SEMA5B: variants seen among roughly 807,000 people sequenced by gnomAD.
The protein encoded by SEMA5B is semaphorin 5B.
In SEMA5B, 66 loss-of-function variants were observed where a neutral mutation model predicts 135.0. That is an observed-to-expected ratio of 0.49 (90% confidence interval 0.40 to 0.60). SEMA5B has a LOEUF of 0.60. Among genes scored for constraint, SEMA5B ranks in the 20% least tolerant of loss-of-function variants. The pLI, the probability that SEMA5B is intolerant of heterozygous loss-of-function variation, is 0.00. For synonymous variants in SEMA5B, 690 were observed against 639.5 expected, an observed-to-expected ratio of 1.08 and a Z score of -1.19; for missense variants, 1,501 against 1,566.3, an observed-to-expected ratio of 0.96 and a Z score of 0.70.
intron 1 of SEMA5B, among the ~76,000 whole-genome samples, chr3:122,967,937 T>G (rs1473075128): frequency 6.6e-6 from 1 of 152,198 alleles, no homozygotes; most frequent in Non-Finnish European, 1.5e-5. Context: ...TCACTCTGCG[T>G]GCACAAGAGA....
At chr3:123,008,285 G>A (rs143172247) in intron 1 of SEMA5B, among the ~76,000 whole-genome samples, 14 of 152,332 alleles carry the variant, frequency 9.2e-5, no homozygotes, top group African/African-American at 2.9e-4. Context: ...AATAAACTGA[G>A]AATCGAACAC....
At chr3:122,975,993 T>C in intron 1 of SEMA5B, 1 of 1,534,996 alleles carries the variant, frequency 6.5e-7, no homozygotes, top group Non-Finnish European at 8.7e-7. Context: ...GTCATGCACT[T>C]GCCCACCTCG....
At position 122,915,997 on chromosome 3, in the gene SEMA5B, T is replaced by C. The variant is rs550144407; in HGVS notation, c.1689-107A>G. ...CTCTGTGCACCACTTTCCATCCATTTGTCCTCCATGATAATAATGAAGTTC... is the reference window on the plus strand; with the variant it reads ...CTCTGTGCACCACTTTCCATCCATTCGTCCTCCATGATAATAATGAAGTTC... On this transcript the variant is annotated intron_variant, in intron 12 of 22. Coordinates refer to ENST00000357599, the MANE Select transcript of SEMA5B (RefSeq NM_001031702.4). The C allele has an allele frequency of 5.1e-6, 4 of 789,264 alleles. No homozygotes were observed. The African/African-American group carries it at 6.8e-5, about 13-fold the overall frequency. 48.9% of individuals were successfully genotyped at this position (789,264 alleles called of 1,614,324 possible).
chr3:122,943,683 G>A (rs1939665207), intron 3 of SEMA5B, 148 bp from the exon 4 acceptor site: 1 of 614,636 alleles, frequency 1.6e-6, no homozygotes, highest in Non-Finnish European at 2.9e-6. Flanking sequence ...CCACCTCTGT[G>A]TGCCCCTAGG....
chr3:123,013,725 C>T (rs991455110), intron 1 of SEMA5B, among the ~76,000 whole-genome samples: 1 of 152,206 alleles, frequency 6.6e-6, no homozygotes, highest in African/African-American at 2.4e-5. Flanking sequence ...TCACGCATTC[C>T]CATCCAGCCT....
intron 1 of SEMA5B, among the ~76,000 whole-genome samples, chr3:123,023,227 T>G (rs1942729407): frequency 6.6e-6 from 1 of 152,144 alleles, no homozygotes; most frequent in African/African-American, 2.4e-5. Flanking sequence ...TAGTTAAGTG[T>G]TGTCATAAAT....
intron 5 of SEMA5B, among the ~76,000 whole-genome samples, chr3:122,933,248 T>A (rs1939075027): frequency 6.6e-6 from 1 of 152,112 alleles, no homozygotes; most frequent in African/African-American, 2.4e-5. Context: ...ACATCTCCAG[T>A]ATCTTCCTAG....
chr3:122,966,009 C>T (rs781681165), intron 1 of SEMA5B, among the ~76,000 whole-genome samples: 21 of 152,138 alleles, frequency 1.4e-4, no homozygotes, highest in Non-Finnish European at 1.8e-4. Context: ...GGTGGCCCAG[C>T]GACAACCAGC....
intron 1 of SEMA5B, among the ~76,000 whole-genome samples, chr3:122,993,959 A>G (rs1392458532): frequency 2.0e-5 from 3 of 151,188 alleles, no homozygotes; most frequent in Non-Finnish European, 4.4e-5. Context: ...CCTCAAGCCC[A>G]CCTGTCCCCA....
At chr3:122,916,711 G>A (rs1430943876) in intron 12 of SEMA5B, among the ~76,000 whole-genome samples, 2 of 152,162 alleles carry the variant, frequency 1.3e-5, no homozygotes, top group Non-Finnish European at 2.9e-5. Flanking sequence ...ACACAGCGCA[G>A]GATCGGCAGA....
rs62261735 is a variant in SEMA5B at position 122,932,959 on chromosome 3, A to T, written c.475-3901T>A. Among the ~76,000 whole-genome samples, 769 of 152,312 alleles carry T rather than the reference A, an allele frequency of 5.0e-3. 6 individuals carry two copies. The highest frequency in any genetic ancestry group is 8.5e-3 in the Non-Finnish European group (578 of 68,016). ...TGTCTTATACTCTTGGTCTCAAGTCATCTGCTCCCCTCGGCCTCCCAAAGT... is the reference window on the plus strand; with the variant it reads ...TGTCTTATACTCTTGGTCTCAAGTCTTCTGCTCCCCTCGGCCTCCCAAAGT... On this transcript the variant is annotated intron_variant, in intron 5 of 22. Transcript: ENST00000357599.
At chr3:123,023,517 C>T (rs976686279) in intron 1 of SEMA5B, among the ~76,000 whole-genome samples, 1 of 152,162 alleles carries the variant, frequency 6.6e-6, no homozygotes, top group Non-Finnish European at 1.5e-5. Flanking sequence ...CCTGGCTTTG[C>T]ATCTATTTAC....
At chr3:122,910,605 C>T (rs982333445) in intron 22 of SEMA5B, among the ~76,000 whole-genome samples, 1 of 151,926 alleles carries the variant, frequency 6.6e-6, no homozygotes, top group African/African-American at 2.4e-5. Flanking sequence ...GTCAGGAGAT[C>T]GAGACCATCC....
rs150888537 is a variant in SEMA5B at position 122,968,070 on chromosome 3, G to A, written c.-38-6769C>T. ...TTCTCTCCAGAAAATGTGCAGATCC[G>A]CTCCAAGGCCCAGCAACACTTTCCC... On this transcript the variant is annotated intron_variant, in intron 1 of 22. Coordinates refer to ENST00000357599, the MANE Select transcript of SEMA5B (RefSeq NM_001031702.4). Among the ~76,000 whole-genome samples, 729 of 152,298 alleles carry A rather than the reference G, an allele frequency of 4.8e-3. 3 individuals are homozygous for A. Among genetic ancestry groups the A allele is most frequent in the African/African-American group, 0.017 (690 of 41,552 alleles).
chr3:122,915,533 C>T lies in SEMA5B; in HGVS notation c.1895G>A (p.Cys632Tyr). 1 of 1,614,114 alleles carries T rather than the reference C, an allele frequency of 6.2e-7. No homozygotes were observed. Among genetic ancestry groups the T allele is most frequent in the Non-Finnish European group, 8.5e-7 (1 of 1,180,008 alleles). ...ATCACAGGATCGAGCTCGACACAGG[C>T]AAGAGCCTGAGTTGTCCCCATCCAA... is the stretch of plus-strand genomic sequence containing the variant. ...EHLDGDNSGS[C>Y]LCRARSCDSP... The change falls in exon 14 of 23, where the codon TGC becomes TAC. Residue 632 changes from cysteine (C) to tyrosine (Y), a missense_variant. This residue lies in a region of SEMA5B where 927 missense variants were observed against 881.6 expected (regional missense o/e 1.05). Coordinates refer to ENST00000357599, the MANE Select transcript of SEMA5B (RefSeq NM_001031702.4).
At chr3:122,939,667 G>A (rs1939467272) in intron 4 of SEMA5B, among the ~76,000 whole-genome samples, 197 bp from the exon 5 acceptor site, 1 of 152,152 alleles carries the variant, frequency 6.6e-6, no homozygotes, top group African/African-American at 2.4e-5. Context: ...GAAGCTCCAA[G>A]TTACAGATGA....
Position 122,915,775 on chromosome 3 carries a change from G to T in SEMA5B, c.1804C>A (p.Pro602Thr). Residue 602 changes from proline to threonine, a missense_variant and splice_region_variant, in exon 13 of 23, where the codon CCT becomes ACT. Physicochemically the swap from Pro to Thr is conservative, Grantham distance 38 (BLOSUM62 -1). Around this residue, in one of 2 missense-constraint regions of SEMA5B, gnomAD observed 927 missense variants for 881.6 expected, o/e 1.05. Transcript: ENST00000357599. ...GGAGGACACAAGGGGATTCTCACAG[G>T]ACAGGCGGTGATGTTCTGGGTCCAG... ...SLWTQNITAC[P>T]VRNVTRDGGF... 4 of 1,613,738 alleles carry T rather than the reference G, an allele frequency of 2.5e-6. No homozygotes were observed. The highest frequency in any genetic ancestry group is 3.4e-6 in the Non-Finnish European group (4 of 1,179,628).
intron 5 of SEMA5B, among the ~76,000 whole-genome samples, chr3:122,938,477 G>T (rs976846849): frequency 2.0e-5 from 3 of 152,142 alleles, no homozygotes; most frequent in African/African-American, 7.2e-5. Flanking sequence ...ACCCAGGTGT[G>T]GCCAGAATGT....
At chr3:122,920,796 A>T (rs1938309796) in intron 12 of SEMA5B, among the ~76,000 whole-genome samples, 1 of 152,164 alleles carries the variant, frequency 6.6e-6, no homozygotes, top group Admixed American at 6.5e-5. Flanking sequence ...TGTCTGATAT[A>T]GGCCAAGGTT....
Sources: gnomAD v4.1 joint callset for allele counts (sites outside exome capture counted in the v4.1 genomes callset) on GRCh38, gnomAD v4.1.1 for gene constraint, gnomAD v4.1.1 regional missense constraint, MANE v1.5 for transcripts, NCBI Gene and HGNC (gene_info 2026-07-23, HGNC 2026-07-21) for gene names.